VPS13A: variants seen among roughly 807,000 people sequenced by gnomAD.
VPS13A encodes vacuolar protein sorting 13 homolog A.
In VPS13A, 264 loss-of-function variants were observed where a neutral mutation model predicts 390.9. The observed-to-expected ratio is 0.68, with a 90% CI of 0.61 to 0.75. The LOEUF is 0.75. Ranked by LOEUF, VPS13A falls within the 30% of genes least tolerant of loss-of-function variation. VPS13A has a pLI of 0.00. For synonymous variants in VPS13A, 1,231 were observed against 1,227.1 expected (o/e 1.00, Z -0.07); for missense variants, 3,409 against 3,733.9 (o/e 0.91, Z 2.27).
At chr9:77,224,745 G>A (rs1379299983) in intron 13 of VPS13A, among the ~76,000 whole-genome samples, 1 of 152,226 alleles carries the variant, frequency 6.6e-6, no homozygotes, top group African/African-American at 2.4e-5. Context: ...AAAATTAGTT[G>A]ATAAAGCAGC....
chr9:77,321,795 C>A (rs777086822), intron 44 of VPS13A, 49 bp downstream of exon 44: 1 of 1,596,972 alleles, frequency 6.3e-7, no homozygotes, highest in Non-Finnish European at 8.6e-7. Context: ...TTTTAAATTA[C>A]AATTTACATG....
intron 23 of VPS13A, among the ~76,000 whole-genome samples, 187 bp from the exon 24 acceptor site, chr9:77,273,093 A>G (rs999298212): frequency 6.6e-6 from 1 of 152,240 alleles, no homozygotes; most frequent in Non-Finnish European, 1.5e-5. Flanking sequence ...TTAAAATTGT[A>G]AAACTACTTC....
At chr9:77,266,000 T>G (rs1317748485) in intron 23 of VPS13A, among the ~76,000 whole-genome samples, 1 of 152,242 alleles carries the variant, frequency 6.6e-6, no homozygotes, top group Non-Finnish European at 1.5e-5. Context: ...GTTGTGTCTT[T>G]GTTCTCATTG....
intron 52 of VPS13A, among the ~76,000 whole-genome samples, chr9:77,346,374 G>A (rs1831152782): frequency 6.6e-6 from 1 of 151,772 alleles, no homozygotes; most frequent in African/African-American, 2.4e-5. Context: ...TTGTGTTTTT[G>A]TTTTTGTTTT....
At chr9:77,378,587 C>CT (rs1407084154) in intron 67 of VPS13A, among the ~76,000 whole-genome samples, 2 of 151,590 alleles carry the variant, frequency 1.3e-5, no homozygotes, top group African/African-American at 2.4e-5. Context: ...TTTGGGTCTT[C>CT]TTTTTTTTCT....
At chr9:77,389,261 G>A (rs1006134720) in intron 68 of VPS13A, among the ~76,000 whole-genome samples, 14 of 151,438 alleles carry the variant, frequency 9.2e-5, no homozygotes, top group African/African-American at 3.2e-4. Flanking sequence ...TCCGTAATTG[G>A]GAAACCTAGT....
At chr9:77,297,458 T>C (rs1828080897) in intron 33 of VPS13A, among the ~76,000 whole-genome samples, 1 of 152,072 alleles carries the variant, frequency 6.6e-6, no homozygotes, top group Non-Finnish European at 1.5e-5. Context: ...AAAACAATAG[T>C]AAACTGGGAC....
At chr9:77,275,264 A>G (rs538095658) in intron 24 of VPS13A, among the ~76,000 whole-genome samples, 48 of 152,274 alleles carry the variant, frequency 3.2e-4, no homozygotes, top group African/African-American at 1.1e-3. Context: ...ATAATGTTCC[A>G]TGCTTCTTTA....
In VPS13A at chr9:77,281,896, T is replaced by A; in HGVS notation, c.2934T>A (p.Ser978Arg). The change falls in exon 28 of 72, where the codon AGT (serine) becomes AGA (arginine). Residue 978 changes from serine to arginine, a missense_variant. By Grantham distance (110) the Ser-to-Arg change is moderately radical. Transcript: ENST00000360280. ...KAEKNVPDLK[S>R]TYNNVLQLIK... ...AAAAGAATGTACCCGACTTGAAAAGTACCTATAACAATGTTTTACAATTGA... is the reference window on the plus strand; with the variant it reads ...AAAAGAATGTACCCGACTTGAAAAGAACCTATAACAATGTTTTACAATTGA... 6.2e-7 allele frequency: 1 copy of A among 1,603,938 alleles called. No individual in the cohort carries two copies. Among genetic ancestry groups the A allele is most frequent in the South Asian group, 1.1e-5 (1 of 90,452 alleles).
intron 37 of VPS13A, 95 bp from the exon 38 acceptor site, chr9:77,315,158 C>G: frequency 8.9e-7 from 1 of 1,119,100 alleles, no homozygotes; most frequent in Non-Finnish European, 1.3e-6. Flanking sequence ...TTTTTTTTGT[C>G]AGTAAAAGAG....
At chr9:77,356,562 G>T (rs1374785499) in intron 54 of VPS13A, 152 bp from the exon 55 acceptor site, 2 of 851,636 alleles carry the variant, frequency 2.3e-6, no homozygotes, top group Non-Finnish European at 3.7e-6. Context: ...GTAGTTGAAT[G>T]AATTCATGTT....
chr9:77,248,090 G>A (rs1005245848), intron 20 of VPS13A, among the ~76,000 whole-genome samples: 5 of 152,116 alleles, frequency 3.3e-5, no homozygotes, highest in Admixed American at 2.0e-4. Flanking sequence ...AATCAAATAC[G>A]TCTTCATCTT....
intron 70 of VPS13A, among the ~76,000 whole-genome samples, chr9:77,406,330 T>A (rs55880084): frequency 0.088 from 13,408 of 152,286 alleles, 697 homozygotes; most frequent in Middle Eastern, 0.11. Context: ...AAATATATTT[T>A]CCCTTTCTAA....
rs1835173074 is a variant in VPS13A, at chr9:77,416,456, C to A, written c.*450C>A. 6.0e-6 allele frequency: 1 copy of A among 165,460 alleles called. No individual in the cohort carries two copies. Among genetic ancestry groups the A allele is most frequent in the Non-Finnish European group, 1.3e-5 (1 of 75,578 alleles). 10.2% of individuals were successfully genotyped at this position (165,460 alleles called of 1,614,324 possible). A position where few individuals can be genotyped will look rare whatever the true frequency, so the allele number is the denominator to read the frequency against. On this transcript the variant is annotated 3_prime_UTR_variant, in exon 72 of 72. Transcript: ENST00000360280. ...GTGATGGGTAAGAAATCAAACATTG[C>A]CTCAGTGGTATCAAGAGAACTTTGG... is the stretch of plus-strand genomic sequence containing the variant.
intron 54 of VPS13A, among the ~76,000 whole-genome samples, chr9:77,353,943 C>A (rs535495932): frequency 1.5e-4 from 23 of 152,050 alleles, no homozygotes; most frequent in Non-Finnish European, 3.1e-4. Flanking sequence ...AGTTCATTTT[C>A]CATTACCATC....
At chr9:77,280,984 C>CA (rs1826989835) in intron 27 of VPS13A, among the ~76,000 whole-genome samples, 1 of 152,084 alleles carries the variant, frequency 6.6e-6, no homozygotes, top group Admixed American at 6.5e-5. Flanking sequence ...CTTATGTCGA[C>CA]ATAGATGAAT....
chr9:77,238,039 T>G lies in VPS13A; in HGVS notation c.1633T>G (p.Leu545Val). 6.2e-7 allele frequency: 1 copy of G among 1,613,276 alleles called. No individual in the cohort carries two copies. Among genetic ancestry groups the G allele is most frequent in the Non-Finnish European group, 8.5e-7 (1 of 1,179,408 alleles). Residue 545 changes from leucine to valine, a missense_variant, in exon 18 of 72, where the codon TTA becomes GTA. This residue lies in a region of VPS13A where 2,717 missense variants were observed against 2,917.4 expected (regional missense o/e 0.93). Coordinates refer to ENST00000360280, the MANE Select transcript of VPS13A (RefSeq NM_033305.3). The stretch of plus-strand genomic sequence containing the variant: ...AATAGATTCATTTCATATTACTGGC[T>G]TACCAGATAATTCAGAAAAACCCCG... Reference protein sequence around the residue: ...TKIDSFHITGLPDNSEKPRLL... With the variant: ...TKIDSFHITGVPDNSEKPRLL...
At chr9:77,211,001 C>T (rs41310073) in intron 7 of VPS13A, among the ~76,000 whole-genome samples, 13,812 of 152,046 alleles carry the variant, frequency 0.091, 716 homozygotes, top group East Asian at 0.12. Context: ...TTCGATAAGC[C>T]TTGAAAAACA....
In VPS13A at chr9:77,340,223, A is replaced by G. The variant is rs147601888; in HGVS notation, c.6820A>G (p.Ile2274Val). Reference protein sequence around the residue: ...TDSELSNQFSIDTVGSHGAVK... With the variant: ...TDSELSNQFSVDTVGSHGAVK... Reference sequence around the variant, plus strand: ...TAGTGAGTTGTCCAATCAGTTTTCAATTGATACTGTTGGTAGTCATGGAGC... The same window carrying G: ...TAGTGAGTTGTCCAATCAGTTTTCAGTTGATACTGTTGGTAGTCATGGAGC... The change falls in exon 49 of 72, where the codon ATT (isoleucine) becomes GTT (valine). Residue 2274 changes from isoleucine to valine, a missense_variant. This residue lies in a region of VPS13A where 2,717 missense variants were observed against 2,917.4 expected (regional missense o/e 0.93). Coordinates refer to ENST00000360280, the MANE Select transcript of VPS13A (RefSeq NM_033305.3). The G allele has an allele frequency of 1.9e-5, 30 of 1,613,328 alleles. No homozygotes were observed. Among genetic ancestry groups the G allele is most frequent in the East Asian group, 4.5e-5 (2 of 44,736 alleles).
Sources: gnomAD v4.1 joint callset for allele counts (sites outside exome capture counted in the v4.1 genomes callset) on GRCh38, gnomAD v4.1.1 for gene constraint, gnomAD v4.1.1 regional missense constraint, MANE v1.5 for transcripts, NCBI Gene and HGNC (gene_info 2026-07-23, HGNC 2026-07-21) for gene names.